TAF12: variants seen among roughly 807,000 people sequenced by gnomAD.
TAF12 encodes the protein transcription initiation factor TFIID subunit 12.
Under a neutral mutation model 20.8 loss-of-function variants are expected in TAF12, and 3 were observed. The ratio of observed to expected loss-of-function variants is 0.14; its 90% CI spans 0.07 to 0.37. The LOEUF (loss-of-function observed/expected upper bound fraction) is 0.37. Ranked by LOEUF, TAF12 falls within the 10% of genes least tolerant of loss-of-function variation. The probability of loss-of-function intolerance (pLI) is 1.00; values close to 1 mark genes in which losing one functional copy is unlikely to be tolerated. For missense variants in TAF12, 131 were observed against 197.9 expected (o/e 0.66, Z 2.03); for synonymous variants, 69 against 70.2 (o/e 0.98, Z 0.09).
chr1:28,635,814 GTTT>G (rs199651179), intron 1 of TAF12, among the ~76,000 whole-genome samples: 1 of 145,526 alleles, frequency 6.9e-6, no homozygotes, highest in African/African-American at 2.5e-5. Context: ...TCCATTAACT[GTTT>G]TTTTTTTTTT....
chr1:28,638,346 C>T (rs13376542), intron 1 of TAF12, among the ~76,000 whole-genome samples: 1,596 of 151,936 alleles, frequency 0.011, 30 homozygotes, highest in African/African-American at 0.037. Flanking sequence ...TGCATCACCA[C>T]GCCCAGCTAA....
At chr1:28,612,814 G>T (rs1196834054) in intron 4 of TAF12, among the ~76,000 whole-genome samples, 3 of 151,862 alleles carry the variant, frequency 2.0e-5, no homozygotes, top group Non-Finnish European at 4.4e-5. Context: ...AAACTCTAAG[G>T]GAACACTGAG....
intron 4 of TAF12, 32 bp from the exon 5 acceptor site, chr1:28,605,492 G>A (rs771758035): frequency 1.6e-5 from 26 of 1,607,834 alleles, no homozygotes; most frequent in Non-Finnish European, 1.5e-5. Flanking sequence ...AGAGATAAAC[G>A]TACCAAGAAG....
intron 1 of TAF12, among the ~76,000 whole-genome samples, chr1:28,638,653 T>G (rs975818468): frequency 7.0e-6 from 1 of 142,338 alleles, no homozygotes; most frequent in Non-Finnish European, 1.5e-5. Context: ...GTCCAGCTGA[T>G]TTTTATATTT....
chr1:28,641,793 CA>C (rs35540210), intron 1 of TAF12, among the ~76,000 whole-genome samples: 2,961 of 86,422 alleles, frequency 0.034, 30 homozygotes, highest in Non-Finnish European at 0.045. Flanking sequence ...GAACCTGTCT[CA>C]AAAAAAAAAA....
intron 1 of TAF12, among the ~76,000 whole-genome samples, chr1:28,624,777 T>C (rs1339228186): frequency 6.6e-6 from 1 of 151,300 alleles, no homozygotes; most frequent in Non-Finnish European, 1.5e-5. Flanking sequence ...AAATAAATAA[T>C]AATAATAAGA....
intron 4 of TAF12, among the ~76,000 whole-genome samples, chr1:28,606,662 T>C (rs995214024): frequency 2.0e-5 from 3 of 152,200 alleles, no homozygotes; most frequent in African/African-American, 4.8e-5. Flanking sequence ...TCCATGCAGC[T>C]TATCCAATTC....
chr1:28,613,199 T>C, intron 4 of TAF12, 48 bp downstream of exon 4: 1 of 1,512,296 alleles, frequency 6.6e-7, no homozygotes. Context: ...CTGGCAGTCC[T>C]GAAGAAGCAG....
chr1:28,625,218 G>T (rs1667341386), intron 1 of TAF12, among the ~76,000 whole-genome samples: 1 of 152,120 alleles, frequency 6.6e-6, no homozygotes, highest in Non-Finnish European at 1.5e-5. Context: ...TTATAACAGA[G>T]ATTTTTGAGT....
intron 1 of TAF12, among the ~76,000 whole-genome samples, chr1:28,626,875 A>C (rs1187419381): frequency 6.6e-6 from 1 of 152,146 alleles, no homozygotes; most frequent in Non-Finnish European, 1.5e-5. Flanking sequence ...GCACCATTGC[A>C]ACTCTAGCTT....
intron 4 of TAF12, among the ~76,000 whole-genome samples, chr1:28,612,444 AAT>A (rs886284487): frequency 2.2e-4 from 33 of 146,732 alleles, no homozygotes; most frequent in East Asian, 1.2e-3. Context: ...CGATCAAAAA[AAT>A]ATATATATAT....
At chr1:28,635,395 T>A (rs1667790567) in intron 1 of TAF12, among the ~76,000 whole-genome samples, 1 of 135,374 alleles carries the variant, frequency 7.4e-6, no homozygotes, top group Non-Finnish European at 1.5e-5. Context: ...CAGCTCCACC[T>A]CCTGGGCTCA....
chr1:28,603,655 G>GAA, intron 5 of TAF12, 81 bp from the exon 6 acceptor site: 1 of 1,463,538 alleles, frequency 6.8e-7, no homozygotes, highest in Non-Finnish European at 9.6e-7. Flanking sequence ...TGGCTAGCAG[G>GAA]CCTCATGGTC....
At chr1:28,643,148 GCGCCTCGCTTGCGCAGGCGCA>G (rs1354110299), upstream of TAF12, 38 of 982,050 alleles carry the variant, frequency 3.9e-5, no homozygotes, top group Admixed American at 6.1e-5. Flanking sequence ...CGGCGGGCGC[GCGCCTCGCTTGCGCAGGCGCA>G]GACTGCCCTC....
intron 1 of TAF12, among the ~76,000 whole-genome samples, chr1:28,631,534 A>C (rs1309890516): frequency 6.6e-6 from 1 of 151,804 alleles, no homozygotes; most frequent in Non-Finnish European, 1.5e-5. Flanking sequence ...CTCCAAAAAA[A>C]AAGAAAATGG....
chr1:28,639,057 G>A (rs1416077316), intron 1 of TAF12, among the ~76,000 whole-genome samples: 5 of 151,544 alleles, frequency 3.3e-5, no homozygotes, highest in South Asian at 2.1e-4. Context: ...TTACCGGCGT[G>A]AGCCACCACG....
chr1:28,622,104 A>G lies in TAF12; in HGVS notation c.-23T>C. ...CATAATCTGCCGAGCTTTGGACTTC[A>G]GCTCATAGAGCTTATCGAGATCCTG... On this transcript the variant is annotated 5_prime_UTR_variant, in exon 2 of 6. An upstream open reading frame in the 5' UTR loses its in-frame stop. Coordinates refer to ENST00000373824, the MANE Select transcript of TAF12 (RefSeq NM_005644.4). 2 of 1,595,238 alleles carry G rather than the reference A, an allele frequency of 1.3e-6. No homozygotes were observed. Among genetic ancestry groups the G allele is most frequent in the Non-Finnish European group, 1.7e-6 (2 of 1,173,856 alleles).
At chr1:28,631,150 G>A (rs1233275780) in intron 1 of TAF12, among the ~76,000 whole-genome samples, 1 of 151,448 alleles carries the variant, frequency 6.6e-6, no homozygotes, top group Admixed American at 6.6e-5. Context: ...AGAAATTTCA[G>A]TGCAAAGGCT....
At chr1:28,609,407 C>T (rs1476813648) in intron 4 of TAF12, among the ~76,000 whole-genome samples, 1 of 151,592 alleles carries the variant, frequency 6.6e-6, no homozygotes, top group African/African-American at 2.4e-5. Context: ...CAACAACAAT[C>T]ATTTAGTGAA....
Sources: gnomAD v4.1 joint callset for allele counts (sites outside exome capture counted in the v4.1 genomes callset) on GRCh38, gnomAD v4.1.1 for gene constraint, MANE v1.5 for transcripts, NCBI Gene and HGNC (gene_info 2026-07-23, HGNC 2026-07-21) for gene names.